The following L3MBTL2 variants were observed in gnomAD, a reference collection of about 807,000 sequenced individuals.
L3MBTL2 encodes lethal(3)malignant brain tumor-like protein 2.
L3MBTL2 carries 49 observed loss-of-function variants against 86.4 expected under a neutral mutation model. The observed-to-expected ratio is 0.57, with a 90% CI of 0.45 to 0.72. The LOEUF (loss-of-function observed/expected upper bound fraction) is 0.72. Ranked by LOEUF, L3MBTL2 falls within the 30% of genes least tolerant of loss-of-function variation. The pLI, the probability that L3MBTL2 is intolerant of heterozygous loss-of-function variation, is 0.00. For synonymous variants in L3MBTL2, 336 were observed against 350.6 expected (o/e 0.96, Z 0.47); for missense variants, 755 against 923.7 (o/e 0.82, Z 2.37).
intron 15 of L3MBTL2, chr22:41,228,578 C>A (rs181705587): frequency 5.4e-6 from 5 of 933,038 alleles, no homozygotes; most frequent in Admixed American, 1.2e-4. Context: ...CGGCCAGGCG[C>A]GGTGGCTCAC....
chr22:41,209,630 CTT>C lies in L3MBTL2; in HGVS notation c.25-65_25-64del. On this transcript the variant is annotated intron_variant, in intron 1 of 16. Transcript: ENST00000216237. ...GAGGGGGCTGATAGCAGATCTGCAG[CTT>C]CTCCCCCCGTGCACTAAAGCCAATC... 6 of 1,411,364 alleles carry C rather than the reference CTT, an allele frequency of 4.3e-6. No individual in the cohort carries two copies. The Admixed American group carries it at 8.7e-5, about 20-fold the overall frequency. 87.4% of individuals were successfully genotyped at this position (1,411,364 alleles called of 1,614,324 possible).
At chr22:41,229,405 G>T in intron 15 of L3MBTL2, 135 bp from the exon 16 acceptor site, 1 of 879,048 alleles carries the variant, frequency 1.1e-6, no homozygotes, top group Non-Finnish European at 1.7e-6. Context: ...TGTCAGAGTT[G>T]GAGTCCAGGC....
Position 41,224,931 on chromosome 22 carries a change from T to C in L3MBTL2, c.1252-36T>C. On this transcript the variant is annotated intron_variant, in intron 10 of 16. Coordinates refer to ENST00000216237, the MANE Select transcript of L3MBTL2 (RefSeq NM_031488.5). This position sits in a 1 kb window ranked among gnomAD's most constrained non-coding sequence, Gnocchi z 4.9. ...GCTTCCCTCACCCTTCCTCCTGGCC[T>C]GCCCAGGGAGTCCCCAGCTGTCCCA... The C allele has an allele frequency of 6.3e-7, 1 of 1,594,426 alleles. No individual in the cohort carries two copies. Among genetic ancestry groups the C allele is most frequent in the Non-Finnish European group, 8.6e-7 (1 of 1,163,332 alleles).
At chr22:41,207,078 C>G (rs1430116489) in intron 1 of L3MBTL2, among the ~76,000 whole-genome samples, 11 of 152,060 alleles carry the variant, frequency 7.2e-5, no homozygotes, top group African/African-American at 2.4e-4. Context: ...CACAAAATCA[C>G]ACAGTTAATA....
chr22:41,220,475 C>T (rs1021341592), intron 6 of L3MBTL2, among the ~76,000 whole-genome samples: 1 of 151,946 alleles, frequency 6.6e-6, no homozygotes, highest in African/African-American at 2.4e-5. Context: ...ATCACGAGGT[C>T]GGGAGATCGA....
In L3MBTL2 at chr22:41,209,938, C is replaced by T. The variant is rs2030581803; in HGVS notation, c.262+5C>T. 7 of 1,612,950 alleles carry T rather than the reference C, an allele frequency of 4.3e-6. 1 individual carries two copies. In the South Asian group the frequency reaches 7.7e-5, roughly 18 times the overall value. Reference sequence around the variant, plus strand: ...ATGGCAGTGGTTCTGAGCCAGGTGCCTTCAGAGTGTCCCCTGAGGATGGAG... The same window carrying T: ...ATGGCAGTGGTTCTGAGCCAGGTGCTTTCAGAGTGTCCCCTGAGGATGGAG... On this transcript the variant is annotated splice_donor_5th_base_variant and intron_variant, in intron 2 of 16. Transcript: ENST00000216237.
At chr22:41,210,883 T>A (rs2030717027) in intron 2 of L3MBTL2, among the ~76,000 whole-genome samples, 1 of 152,214 alleles carries the variant, frequency 6.6e-6, no homozygotes, top group South Asian at 2.1e-4. Flanking sequence ...TACCATGGAT[T>A]TCCAACGTGG....
chr22:41,223,857 G>A (rs556074654), intron 8 of L3MBTL2, among the ~76,000 whole-genome samples, 163 bp from the exon 9 acceptor site: 1 of 152,260 alleles, frequency 6.6e-6, no homozygotes, highest in East Asian at 1.9e-4. Flanking sequence ...GGGAGTCAGG[G>A]CCAAGGTGAG....
chr22:41,223,828 C>T (rs570448212), intron 8 of L3MBTL2, among the ~76,000 whole-genome samples, 192 bp from the exon 9 acceptor site: 1 of 152,140 alleles, frequency 6.6e-6, no homozygotes, highest in South Asian at 2.1e-4. Flanking sequence ...GAGCTGTTGC[C>T]TCCCTCTGTG....
At chr22:41,215,453 C>T (rs1375617926) in intron 3 of L3MBTL2, among the ~76,000 whole-genome samples, 1 of 152,166 alleles carries the variant, frequency 6.6e-6, no homozygotes, top group East Asian at 1.9e-4. Flanking sequence ...CTGGGATTTG[C>T]CCTGTAGGTT....
Position 41,220,922 on chromosome 22 carries a change from G to A in L3MBTL2, c.853+54G>A, listed in dbSNP as rs547905253. The A allele has an allele frequency of 5.1e-6, 8 of 1,566,774 alleles. No homozygotes were observed. In the African/African-American group the frequency reaches 1.1e-4, roughly 21 times the overall value. On this transcript the variant is annotated intron_variant, in intron 7 of 16. Transcript: ENST00000216237. The stretch of plus-strand genomic sequence containing the variant: ...GTTCCCGTAGGGCCCCTGGTAGAGG[G>A]AGAGTCCTCTGCTTGTGTTAGGTAG...
intron 2 of L3MBTL2, among the ~76,000 whole-genome samples, chr22:41,212,747 TAGCC>T (rs1031561461): frequency 2.0e-5 from 3 of 151,280 alleles, no homozygotes; most frequent in Non-Finnish European, 4.4e-5. Flanking sequence ...TATAAAAAAT[TAGCC>T]AGGCGTGGTG....
rs74768384 is a variant in L3MBTL2, at chr22:41,220,692, C to T, written c.719-42C>T. 5.7e-4 allele frequency: 904 copies of T among 1,573,870 alleles called. 6 individuals are homozygous for T. In the African/African-American group the frequency reaches 0.011, roughly 19 times the overall value. ...AAAAAAAAACAGAACATACCTTCCCCAGCTCACCCTCCCTCACAGGTGCCC... is the reference window on the plus strand; with the variant it reads ...AAAAAAAAACAGAACATACCTTCCCTAGCTCACCCTCCCTCACAGGTGCCC... On this transcript the variant is annotated intron_variant, in intron 6 of 16. Coordinates refer to ENST00000216237, the MANE Select transcript of L3MBTL2 (RefSeq NM_031488.5).
At chr22:41,207,387 A>G (rs2145561905) in intron 1 of L3MBTL2, among the ~76,000 whole-genome samples, 1 of 149,642 alleles carries the variant, frequency 6.7e-6, no homozygotes, top group East Asian at 2.0e-4. Flanking sequence ...ACACCCAGCT[A>G]ATTTTTTCCA....
In L3MBTL2 at chr22:41,227,025, C is replaced by CTTCAA; in HGVS notation, c.1588-64_1588-63insTTCAA. 1.4e-6 allele frequency: 2 copies of CTTCAA among 1,430,430 alleles called. No individual in the cohort carries two copies. The highest frequency in any genetic ancestry group is 1.9e-6 in the Non-Finnish European group (2 of 1,045,992). The allele number at this position is 1,430,430 out of a possible 1,614,324, so 88.6% of individuals were successfully genotyped here. ...GCCAGTTCTTCAAGTGCCTCCGGGC[C>CTTCAA]GGGGCAAGCCTGCTGGGGTAGGGAG... On this transcript the variant is annotated intron_variant, in intron 13 of 16. Coordinates refer to ENST00000216237, the MANE Select transcript of L3MBTL2 (RefSeq NM_031488.5). This position sits in a 1 kb window ranked among gnomAD's most constrained non-coding sequence, Gnocchi z 6.0.
At chr22:41,211,557 C>CTTTCT (rs1039028243) in intron 2 of L3MBTL2, among the ~76,000 whole-genome samples, 5 of 97,392 alleles carry the variant, frequency 5.1e-5, no homozygotes, top group African/African-American at 8.5e-5. Flanking sequence ...ATCTTATTTC[C>CTTTCT]TTTTTTTTTT....
intron 2 of L3MBTL2, 90 bp from the exon 3 acceptor site, chr22:41,213,803 A>G: frequency 6.9e-7 from 1 of 1,452,644 alleles, no homozygotes; most frequent in Middle Eastern, 1.9e-4. Flanking sequence ...CACCTGGTTA[A>G]TGCAGTGCCC....
rs2032211666 is a variant in L3MBTL2 at position 41,226,757 on chromosome 22, A to T, written c.1587+13A>T. ...ACTCTTTAACATGGTGAGGAGACTG[A>T]AGTGGAGCAAGGGGCCTGCGGTGGC... On this transcript the variant is annotated intron_variant, in intron 13 of 16. Coordinates refer to ENST00000216237, the MANE Select transcript of L3MBTL2 (RefSeq NM_031488.5). The T allele has an allele frequency of 3.1e-6, 5 of 1,600,832 alleles. No homozygotes were observed.
intron 1 of L3MBTL2, among the ~76,000 whole-genome samples, chr22:41,207,358 C>G (rs1271982384): frequency 1.3e-5 from 2 of 150,900 alleles, no homozygotes; most frequent in African/African-American, 4.9e-5. Flanking sequence ...TTCCTCCCAC[C>G]TCAGCCTCCC....
Sources: gnomAD v4.1 joint callset for allele counts (sites outside exome capture counted in the v4.1 genomes callset) on GRCh38, gnomAD v4.1.1 for gene constraint, Gnocchi (gnomAD v3.1) non-coding constraint, MANE v1.5 for transcripts, NCBI Gene and HGNC (gene_info 2026-07-23, HGNC 2026-07-21) for gene names.